The following CCDC39 variants were observed in gnomAD, a reference collection of about 807,000 sequenced individuals.
The protein encoded by CCDC39 is coiled-coil domain-containing protein 39.
CCDC39 carries 113 observed loss-of-function variants against 121.0 expected under a neutral mutation model. The ratio of observed to expected loss-of-function variants is 0.93; its 90% CI spans 0.80 to 1.09. The LOEUF is 1.09. CCDC39 is among the 50% of genes least tolerant of loss of function. CCDC39 has a pLI of 0.00. For synonymous variants in CCDC39, 349 were observed against 352.2 expected, an observed-to-expected ratio of 0.99 and a Z score of 0.10; for missense variants, 1,063 against 1,074.7, an observed-to-expected ratio of 0.99 and a Z score of 0.15.
intron 3 of CCDC39, among the ~76,000 whole-genome samples, chr3:180,661,425 T>A (rs1711739322): frequency 6.6e-6 from 1 of 152,004 alleles, no homozygotes; most frequent in African/African-American, 2.4e-5. Flanking sequence ...ATCAAGTAAC[T>A]ATAAACTAAA....
intron 1 of CCDC39, among the ~76,000 whole-genome samples, chr3:180,672,871 C>G (rs1471863190): frequency 6.6e-6 from 1 of 152,146 alleles, no homozygotes; most frequent in African/African-American, 2.4e-5. Context: ...TAAGAACATT[C>G]ATGATTCATA....
At chr3:180,669,861 C>T (rs1009037694) in intron 1 of CCDC39, among the ~76,000 whole-genome samples, 1 of 152,100 alleles carries the variant, frequency 6.6e-6, no homozygotes. Flanking sequence ...TGCATCAGAT[C>T]GTTGACTGCT....
At chr3:180,617,786 A>G (rs533829912) in intron 16 of CCDC39, 3 of 295,624 alleles carry the variant, frequency 1.0e-5, no homozygotes, top group South Asian at 1.6e-4. Context: ...GCTAAGGTCA[A>G]TTTATTATTG....
chr3:180,618,908 GA>G (rs1399888084), intron 16 of CCDC39, among the ~76,000 whole-genome samples: 3 of 152,086 alleles, frequency 2.0e-5, no homozygotes, highest in Admixed American at 2.0e-4. Flanking sequence ...CTTTCTACTA[GA>G]TTATTATTTT....
At position 180,642,139 on chromosome 3, in the gene CCDC39, G is replaced by A. The variant is rs376737530; in HGVS notation, c.1728C>T (p.His576=). 130 of 1,612,182 alleles carry A rather than the reference G, an allele frequency of 8.1e-5. No homozygotes were observed. The highest frequency in any genetic ancestry group is 8.3e-5 in the Admixed American group (5 of 59,920). ...GGGAAAGAACTTCTTCTGCCTTACT[G>A]TGAAGCATTTCTCGAGTACGCTTAA... ...LEVKRTREML[H]SKAEEVLSLE... The change falls in exon 13 of 20, where the codon CAC becomes CAT. Residue 576 remains histidine, a synonymous_variant. Transcript: ENST00000476379.
Position 180,641,993 on chromosome 3 carries a change from C to A in CCDC39, c.1874G>T (p.Ser625Ile), listed in dbSNP as rs769223754. ...RYVDQERENI[S>I]TEFRERLSKI... Reference sequence around the variant, plus strand: ...CAGCAGTTTTAAAACTGAAAATTACCTTATGTTTTCCCGTTCTTGATCAAC... The same window carrying A: ...CAGCAGTTTTAAAACTGAAAATTACATTATGTTTTCCCGTTCTTGATCAAC... Residue 625 changes from serine (S) to isoleucine (I), a missense_variant and splice_region_variant, in exon 13 of 20, where the codon AGC (serine) becomes ATC (isoleucine). Coordinates refer to ENST00000476379, the MANE Select transcript of CCDC39 (RefSeq NM_181426.2). 5.0e-5 allele frequency: 79 copies of A among 1,569,294 alleles called. No individual in the cohort carries two copies. The highest frequency in any genetic ancestry group is 6.6e-5 in the Non-Finnish European group (76 of 1,155,770).
chr3:180,663,885 T>C lies in CCDC39; in HGVS notation c.192A>G (p.Gln64=). 4 of 1,612,202 alleles carry C rather than the reference T, an allele frequency of 2.5e-6. No individual in the cohort carries two copies. Among genetic ancestry groups the C allele is most frequent in the Non-Finnish European group, 3.4e-6 (4 of 1,179,024 alleles). ...SMTSHFKNVK[Q]ELSITQSLCK... is the part of the protein sequence containing the mutation. ...ACTGTACCTGTGTAATTGAGAGCTC[T>C]TGCTTAACATTTTTGAAGTGAGAAG... Residue 64 remains glutamine, a synonymous_variant, in exon 2 of 20, where the codon CAA becomes CAG. Transcript: ENST00000476379.
chr3:180,636,975 C>T (rs1560085419), intron 13 of CCDC39, among the ~76,000 whole-genome samples: 1 of 152,000 alleles, frequency 6.6e-6, no homozygotes, highest in African/African-American at 2.4e-5. Context: ...ACTATAAAAA[C>T]CCAGAAGACA....
At chr3:180,667,997 C>T (rs1187707577) in intron 1 of CCDC39, among the ~76,000 whole-genome samples, 2 of 152,134 alleles carry the variant, frequency 1.3e-5, no homozygotes, top group African/African-American at 2.4e-5. Flanking sequence ...CTAGCTAAAA[C>T]AGGTTCAGGC....
At chr3:180,642,374 A>G (rs1232413387) in intron 12 of CCDC39, among the ~76,000 whole-genome samples, 173 bp from the exon 13 acceptor site, 2 of 152,008 alleles carry the variant, frequency 1.3e-5, no homozygotes, top group African/African-American at 4.8e-5. Context: ...TCTTTTAAGA[A>G]AAGGGTTTAT....
At chr3:180,629,866 G>A (rs1717653934) in intron 14 of CCDC39, among the ~76,000 whole-genome samples, 1 of 152,126 alleles carries the variant, frequency 6.6e-6, no homozygotes, top group South Asian at 2.1e-4. Context: ...GTAAACAGAA[G>A]GAATATTCTT....
rs1201432447 is a variant in CCDC39 at position 180,619,824 on chromosome 3, TTTTTTAAAAGATTGCTTATAA to T, written c.2124_2144del (p.Asn708_Lys714del). ...ACTCCTACATACTAGATGGAGTCAC[TTTTTTAAAAGATTGCTTATAA>T]TTGTTGTTACAGCTGTTCAGCACTT... On this transcript the variant is annotated inframe_deletion, in exon 15 of 20. Coordinates refer to ENST00000476379, the MANE Select transcript of CCDC39 (RefSeq NM_181426.2). 2.5e-5 allele frequency: 40 copies of T among 1,590,302 alleles called. No individual in the cohort carries two copies. The highest frequency in any genetic ancestry group is 3.2e-5 in the Non-Finnish European group (37 of 1,167,786).
At chr3:180,657,043 T>A (rs1185385430) in intron 6 of CCDC39, among the ~76,000 whole-genome samples, 3 of 152,234 alleles carry the variant, frequency 2.0e-5, no homozygotes, top group African/African-American at 7.2e-5. Flanking sequence ...TCACTTTTAC[T>A]CTGTGGATTT....
chr3:180,673,203 G>A (rs1220519161), intron 1 of CCDC39, among the ~76,000 whole-genome samples: 4 of 152,212 alleles, frequency 2.6e-5, no homozygotes, highest in Non-Finnish European at 5.9e-5. Flanking sequence ...AAGCTTATTT[G>A]ATAAAGCAGC....
Position 180,616,334 on chromosome 3 carries a change from T to C in CCDC39, c.2616A>G (p.Thr872=), listed in dbSNP as rs1717239357. 1 of 1,613,284 alleles carries C rather than the reference T, an allele frequency of 6.2e-7. No individual in the cohort carries two copies. Among genetic ancestry groups the C allele is most frequent in the South Asian group, 1.1e-5 (1 of 91,060 alleles). ...ATCTAGAGCTCTGACGACTGCCTTT[T>C]GTGCTAGCTGTAGGTAGTTCTAACC... ...QSGLELPTAS[T]KGSRQSSRSP... is the part of the protein sequence containing the mutation. Residue 872 remains threonine, a synonymous_variant, in exon 19 of 20, where the codon ACA becomes ACG. Transcript: ENST00000476379.
intron 11 of CCDC39, 77 bp from the exon 12 acceptor site, chr3:180,644,334 A>G: frequency 1.3e-6 from 1 of 793,566 alleles, no homozygotes; most frequent in Non-Finnish European, 1.9e-6. Flanking sequence ...TGTATTATAT[A>G]TATCTTACAT....
In CCDC39 at chr3:180,630,931, A is replaced by C. The variant is rs1168513181; in HGVS notation, c.1998+538T>G. Among the ~76,000 whole-genome samples, 5 of 152,168 alleles carry C rather than the reference A, an allele frequency of 3.3e-5. 1 individual carries two copies. Among genetic ancestry groups the C allele is most frequent in the Admixed American group, 3.3e-4 (5 of 15,282 alleles). ...GGAGTTTAAAATTCAGAGGTGGTGT[A>C]GCTCCAAGAAATGCTAAGGTCCAGC... On this transcript the variant is annotated intron_variant, in intron 14 of 19. Transcript: ENST00000476379.
At chr3:180,673,824 G>A (rs1163414333) in intron 1 of CCDC39, among the ~76,000 whole-genome samples, 1 of 151,958 alleles carries the variant, frequency 6.6e-6, no homozygotes, top group Non-Finnish European at 1.5e-5. Flanking sequence ...TGGGTGGGAA[G>A]TAGGGGGCAG....
intron 1 of CCDC39, among the ~76,000 whole-genome samples, chr3:180,667,415 T>A (rs902432332): frequency 3.9e-5 from 6 of 152,194 alleles, no homozygotes; most frequent in Non-Finnish European, 5.9e-5. Flanking sequence ...ATTAGCATCA[T>A]TTTTCCAATA....
Sources: gnomAD v4.1 joint callset for allele counts (sites outside exome capture counted in the v4.1 genomes callset) on GRCh38, gnomAD v4.1.1 for gene constraint, MANE v1.5 for transcripts, NCBI Gene and HGNC (gene_info 2026-07-23, HGNC 2026-07-21) for gene names.